Variants in SPINK9 observed in about 807,000 individuals in gnomAD.
SPINK9 encodes the protein serine protease inhibitor Kazal-type 9.
A neutral mutation model predicts 10.8 loss-of-function variants in SPINK9; 3 were observed. That is an observed-to-expected ratio of 0.28 (90% confidence interval 0.13 to 0.72). The LOEUF (loss-of-function observed/expected upper bound fraction) is 0.72. Ranked by LOEUF, SPINK9 falls within the 30% of genes least tolerant of loss-of-function variation. SPINK9 has a pLI of 0.74. For missense variants in SPINK9, 101 were observed against 103.2 expected (o/e 0.98, Z 0.09); for synonymous variants, 30 against 31.2 (o/e 0.96, Z 0.12).
intron 2 of SPINK9, among the ~76,000 whole-genome samples, chr5:148,327,749 T>G (rs1757084911): frequency 6.6e-6 from 1 of 151,594 alleles, no homozygotes; most frequent in African/African-American, 2.4e-5. Context: ...CCAGCACCAT[T>G]TATTAAATAG....
chr5:148,332,919 C>T (rs1354973834), upstream of SPINK9, among the ~76,000 whole-genome samples: 1 of 150,580 alleles, frequency 6.6e-6, no homozygotes, highest in African/African-American at 2.5e-5. Context: ...ATCTTTACCT[C>T]ACCTGAGAAA....
Position 148,339,744 on chromosome 5 carries a change from T to G in SPINK9, c.*32T>G. On this transcript the variant is annotated 3_prime_UTR_variant, in exon 4 of 4. Transcript: ENST00000377906. ...CTTGTGAGTCCAAAATATCTTTTAATGCATCTATTCACAAGAGTCACATTT... is the reference window on the plus strand; with the variant it reads ...CTTGTGAGTCCAAAATATCTTTTAAGGCATCTATTCACAAGAGTCACATTT... 6.4e-7 allele frequency: 1 copy of G among 1,554,978 alleles called. No individual in the cohort carries two copies. The highest frequency in any genetic ancestry group is 8.9e-7 in the Non-Finnish European group (1 of 1,127,130).
intron 2 of SPINK9, among the ~76,000 whole-genome samples, chr5:148,328,073 T>C (rs905855007): frequency 6.6e-6 from 1 of 152,108 alleles, no homozygotes; most frequent in Non-Finnish European, 1.5e-5. Flanking sequence ...GGGGATGGCA[T>C]TGAATCTATA....
intron 2 of SPINK9, among the ~76,000 whole-genome samples, chr5:148,330,130 G>A (rs1180554082): frequency 1.3e-5 from 2 of 152,152 alleles, no homozygotes; most frequent in African/African-American, 4.8e-5. Context: ...TTATTATTAT[G>A]TGGGAGTCTA....
chr5:148,331,925 G>C (rs753577352), upstream of SPINK9, among the ~76,000 whole-genome samples: 2 of 152,162 alleles, frequency 1.3e-5, no homozygotes, highest in African/African-American at 2.4e-5. Flanking sequence ...CTGAGACTTT[G>C]ATAGGGAATA....
rs189699457 is a variant in SPINK9, at chr5:148,329,947, G to A, written c.118+6079G>A. 9.7e-3 allele frequency among the ~76,000 whole-genome samples: 1,471 copies of A among 152,240 alleles called. 24 individuals carry two copies. The highest frequency in any genetic ancestry group is 0.033 in the African/African-American group (1,388 of 41,538). ...CAACTATGTGGTCAATTTTGGAATAGGTGTGGTGTGGTGCTGAGAAGAATG... is the reference window on the plus strand; with the variant it reads ...CAACTATGTGGTCAATTTTGGAATAAGTGTGGTGTGGTGCTGAGAAGAATG... On this transcript the variant is annotated intron_variant, in intron 2 of 4. Coordinates refer to the SPINK9 transcript ENST00000511717.
chr5:148,338,393 C>T, intron 2 of SPINK9, 85 bp from the exon 3 acceptor site: 1 of 1,232,758 alleles, frequency 8.1e-7, no homozygotes, highest in Non-Finnish European at 1.1e-6. Flanking sequence ...GCATTGAGAG[C>T]CCTCTGAGCT....
upstream of SPINK9, among the ~76,000 whole-genome samples, chr5:148,331,659 G>A (rs1757153318): frequency 6.6e-6 from 1 of 152,154 alleles, no homozygotes; most frequent in Non-Finnish European, 1.5e-5. Context: ...AGTATTTGAA[G>A]TGATTGATAT....
intron 2 of SPINK9, 132 bp from the exon 3 acceptor site, chr5:148,338,346 G>C (rs527903642): frequency 1.9e-5 from 12 of 642,328 alleles, no homozygotes; most frequent in East Asian, 1.8e-4. Context: ...TGTCTTGAAG[G>C]GGGTAGATGA....
At chr5:148,324,502 C>T (rs1203254786) in intron 2 of SPINK9, among the ~76,000 whole-genome samples, 1 of 151,938 alleles carries the variant, frequency 6.6e-6, no homozygotes, top group Admixed American at 6.6e-5. Flanking sequence ...TGAAAAGATA[C>T]AATATGCAGA....
chr5:148,337,781 C>CCTCTGA (rs1757235819), intron 2 of SPINK9, among the ~76,000 whole-genome samples: 1 of 152,048 alleles, frequency 6.6e-6, no homozygotes, highest in African/African-American at 2.4e-5. Context: ...AAAATTTTTA[C>CCTCTGA]AGGGTCACAT....
At chr5:148,324,299 A>G (rs1757031532) in intron 2 of SPINK9, among the ~76,000 whole-genome samples, 1 of 152,148 alleles carries the variant, frequency 6.6e-6, no homozygotes, top group Admixed American at 6.5e-5. Flanking sequence ...AACATGGCCT[A>G]TTGAGCTCAA....
intron 3 of SPINK9, among the ~76,000 whole-genome samples, chr5:148,339,293 A>T (rs1035754479): frequency 2.6e-5 from 4 of 152,230 alleles, no homozygotes; most frequent in South Asian, 2.1e-4. Context: ...TAAATATTTT[A>T]AAAAATATAG....
At chr5:148,323,574 C>T in intron 1 of SPINK9, 1 of 466,310 alleles carries the variant, frequency 2.1e-6, no homozygotes, top group Non-Finnish European at 3.8e-6. Flanking sequence ...ACTTTCTTTC[C>T]TTCTTTATTC....
Position 148,338,014 on chromosome 5 carries a change from T to C in SPINK9, c.88-464T>C, listed in dbSNP as rs116996508. Among the ~76,000 whole-genome samples the C allele has an allele frequency of 1.4e-4, 21 of 152,232 alleles. No individual in the cohort carries two copies. In the East Asian group the frequency reaches 3.9e-3, roughly 28 times the overall value. On this transcript the variant is annotated intron_variant, in intron 2 of 3. Coordinates refer to ENST00000377906, the MANE Select transcript of SPINK9 (RefSeq NM_001040433.2). ...GTAAATTGTTACCAATAATTAGTAG[T>C]AAAAATCTGTCAGTAATGTACTAGT...
chr5:148,338,942 C>G (rs558305924), intron 3 of SPINK9, among the ~76,000 whole-genome samples: 67 of 152,208 alleles, frequency 4.4e-4, no homozygotes, highest in African/African-American at 1.5e-3. Context: ...TTTCCAGGGT[C>G]AAGGAGTATC....
At chr5:148,325,388 T>A (rs913472775) in intron 2 of SPINK9, among the ~76,000 whole-genome samples, 16 of 152,140 alleles carry the variant, frequency 1.1e-4, no homozygotes, top group African/African-American at 3.6e-4. Context: ...TTTACATTTA[T>A]ACCAGCGATG....
chr5:148,334,631 A>G (rs538768141), upstream of SPINK9, among the ~76,000 whole-genome samples: 4 of 152,062 alleles, frequency 2.6e-5, no homozygotes, highest in Non-Finnish European at 5.9e-5. Context: ...AAATCCCTTG[A>G]ACACAGAAGG....
chr5:148,336,312 T>C (rs1251752392), intron 1 of SPINK9, 110 bp from the exon 2 acceptor site: 8 of 1,148,302 alleles, frequency 7.0e-6, no homozygotes, highest in Middle Eastern at 4.0e-4. Flanking sequence ...GAAGAGAGAC[T>C]TACATTTTTA....
Sources: gnomAD v4.1 joint callset for allele counts (sites outside exome capture counted in the v4.1 genomes callset) on GRCh38, gnomAD v4.1.1 for gene constraint, MANE v1.5 for transcripts, NCBI Gene and HGNC (gene_info 2026-07-23, HGNC 2026-07-21) for gene names.